NRXN2: variants seen among roughly 807,000 people sequenced by gnomAD.
NRXN2 encodes neurexin-2-beta.
In NRXN2, 29 loss-of-function variants were observed where a neutral mutation model predicts 128.8. The ratio of observed to expected loss-of-function variants is 0.23; its 90% CI spans 0.17 to 0.31. The LOEUF (loss-of-function observed/expected upper bound fraction) is 0.31, where lower values mean the gene tolerates loss of function less well. Ranked by LOEUF, NRXN2 falls within the 10% of genes least tolerant of loss-of-function variation. NRXN2 has a pLI of 1.00. For synonymous variants in NRXN2, 1,098 were observed against 1,075.2 expected (o/e 1.02, Z -0.41); for missense variants, 1,881 against 2,452.6 (o/e 0.77, Z 4.92).
intron 21 of NRXN2, among the ~76,000 whole-genome samples, chr11:64,621,023 A>T (rs1247523191): frequency 6.6e-6 from 1 of 151,962 alleles, no homozygotes; most frequent in Non-Finnish European, 1.5e-5. Flanking sequence ...AGGAGACCCA[A>T]GGAGGGAAAT....
rs773103045 is a variant in NRXN2 at position 64,607,538 on chromosome 11, G to A, written c.4797C>T (p.Gly1599=). ...EPRRPPPLRP[G]VTSAPGFPHL... Reference sequence around the variant, plus strand: ...GGGGGAAGCCGGGGGCTGAGGTCACGCCGGGGCGCAGGGGAGGGGGCCTCC... The same window carrying A: ...GGGGGAAGCCGGGGGCTGAGGTCACACCGGGGCGCAGGGGAGGGGGCCTCC... Residue 1599 remains glycine, a synonymous_variant, in exon 23 of 23, where the codon GGC becomes GGT. Coordinates refer to ENST00000265459, the MANE Select transcript of NRXN2 (RefSeq NM_015080.4). The A allele has an allele frequency of 5.8e-6, 9 of 1,564,384 alleles. No homozygotes were observed. The East Asian group carries it at 9.2e-5, about 16-fold the overall frequency.
In NRXN2 at chr11:64,713,756, G is replaced by T. The variant is rs2057181417; in HGVS notation, c.-57C>A. 9.3e-6 allele frequency: 9 copies of T among 965,966 alleles called. No homozygotes were observed. Among genetic ancestry groups the T allele is most frequent in the African/African-American group, 1.8e-5 (1 of 56,762 alleles). The allele number at this position is 965,966 out of a possible 1,614,324, so 59.8% of individuals were successfully genotyped here. A position where few individuals can be genotyped will look rare whatever the true frequency, so the allele number is the denominator to read the frequency against. ...CGGCCCCCGCTCAGGCTTCAGAGCC[G>T]CGGGCGCATGGGGCGGGAGGGGGCC... On this transcript the variant is annotated 5_prime_UTR_variant, in exon 2 of 23. Transcript: ENST00000265459.
chr11:64,680,078 G>A (rs1339705451), intron 6 of NRXN2, among the ~76,000 whole-genome samples: 1 of 152,166 alleles, frequency 6.6e-6, no homozygotes, highest in Admixed American at 6.5e-5. Context: ...AGTCACAGAG[G>A]GGAGAAGTCA....
At chr11:64,643,948 C>T (rs1591741029) in intron 17 of NRXN2, among the ~76,000 whole-genome samples, 2 of 150,788 alleles carry the variant, frequency 1.3e-5, no homozygotes, top group East Asian at 2.0e-4. Context: ...CACCTCTGCA[C>T]CACCCCTCGC....
At chr11:64,655,787 C>A (rs1207502138) in intron 11 of NRXN2, among the ~76,000 whole-genome samples, 1 of 152,188 alleles carries the variant, frequency 6.6e-6, no homozygotes, top group Non-Finnish European at 1.5e-5. Flanking sequence ...CAGAGGGAAG[C>A]CAGCCCCATC....
chr11:64,709,824 TCA>T (rs1345876340), intron 2 of NRXN2, among the ~76,000 whole-genome samples: 1 of 150,652 alleles, frequency 6.6e-6, no homozygotes, highest in African/African-American at 2.4e-5. Flanking sequence ...CACACACACA[TCA>T]CACACACTCC....
Position 64,607,387 on chromosome 11 carries a change from T to C in NRXN2, c.4948A>G (p.Ile1650Val), listed in dbSNP as rs1355066715. 1.2e-6 allele frequency: 2 copies of C among 1,613,128 alleles called. No individual in the cohort carries two copies. Among genetic ancestry groups the C allele is most frequent in the South Asian group, 2.2e-5 (2 of 91,082 alleles). ...VGIVAAAALC[I>V]LILLYAMYKY... ...TACATGGCGTAGAGGAGGATGAGGA[T>C]GCAGAGCGCCGCCGCCGCCACAATG... Residue 1650 changes from isoleucine (I) to valine (V), a missense_variant, in exon 23 of 23, where the codon ATC (isoleucine) becomes GTC (valine). This residue lies in a region of NRXN2 where 11 missense variants were observed against 31.3 expected (regional missense o/e 0.35). Coordinates refer to ENST00000265459, the MANE Select transcript of NRXN2 (RefSeq NM_015080.4).
rs374982445 is a variant in NRXN2, at chr11:64,630,709, G to C, written c.3586-136C>G. 36 of 1,019,876 alleles carry C rather than the reference G, an allele frequency of 3.5e-5. No individual in the cohort carries two copies. Among genetic ancestry groups the C allele is most frequent in the African/African-American group, 3.0e-4 (19 of 63,226 alleles). 63.2% of individuals were successfully genotyped at this position (1,019,876 alleles called of 1,614,324 possible). A position where few individuals can be genotyped will look rare whatever the true frequency, so the allele number is the denominator to read the frequency against. On this transcript the variant is annotated intron_variant, in intron 18 of 22. Transcript: ENST00000265459. The surrounding 1 kb of genome is among the most constrained non-coding windows in gnomAD (Gnocchi z 4.6). ...TTCCCAGGTCTCAACCGCTGGAGGA[G>C]GTGGGCAGGCTCGCTCCCCTTCCCC... is the stretch of plus-strand genomic sequence containing the variant.
Position 64,713,306 on chromosome 11 carries a change from C to T in NRXN2, c.394G>A (p.Ala132Thr). The change falls in exon 2 of 23, where the codon GCC (alanine) becomes ACC (threonine). Residue 132 changes from alanine to threonine, a missense_variant. Ala to Thr is a moderately conservative substitution (Grantham distance 58). Around this residue, in one of 7 missense-constraint regions of NRXN2, gnomAD observed 997 missense variants for 1,240.8 expected, o/e 0.80. Coordinates refer to ENST00000265459, the MANE Select transcript of NRXN2 (RefSeq NM_015080.4). Reference protein sequence around the residue: ...RRTALAVDGEARAAEVRSKRR... With the variant: ...RRTALAVDGETRAAEVRSKRR... ...TTGGAGCGCACCTCGGCGGCGCGGG[C>T]CTCGCCGTCCACCGCCAGCGCCGTG... 3.7e-6 allele frequency: 5 copies of T among 1,362,904 alleles called. No individual in the cohort carries two copies. Among genetic ancestry groups the T allele is most frequent in the Non-Finnish European group, 4.7e-6 (5 of 1,064,160 alleles). The allele number at this position is 1,362,904 out of a possible 1,614,324, so 84.4% of individuals were successfully genotyped here. A position where few individuals can be genotyped will look rare whatever the true frequency, so the allele number is the denominator to read the frequency against.
chr11:64,708,107 A>G (rs1411766322), intron 2 of NRXN2, among the ~76,000 whole-genome samples: 1 of 152,032 alleles, frequency 6.6e-6, no homozygotes, highest in African/African-American at 2.4e-5. Flanking sequence ...TCAAAAAAAA[A>G]AAAAAAGTCA....
chr11:64,702,198 G>A (rs1044948955), intron 2 of NRXN2, among the ~76,000 whole-genome samples: 5 of 130,850 alleles, frequency 3.8e-5, no homozygotes, highest in Non-Finnish European at 3.3e-5. Flanking sequence ...GCCCCCCGCC[G>A]GGCCAGCCGC....
At chr11:64,615,070 C>G (rs1348574864) in intron 22 of NRXN2, among the ~76,000 whole-genome samples, 1 of 152,260 alleles carries the variant, frequency 6.6e-6, no homozygotes, top group African/African-American at 2.4e-5. Flanking sequence ...CAAGGCCATA[C>G]CTCACAGCCT....
At chr11:64,697,674 A>G (rs1186383485) in intron 3 of NRXN2, 101 bp downstream of exon 3, 17 of 1,402,392 alleles carry the variant, frequency 1.2e-5, no homozygotes, top group Non-Finnish European at 1.7e-5. Context: ...GGCCCTAAAC[A>G]TGGCAGGAAA....
intron 7 of NRXN2, among the ~76,000 whole-genome samples, chr11:64,673,917 A>G (rs1382867559): frequency 6.6e-6 from 1 of 151,790 alleles, no homozygotes; most frequent in East Asian, 1.9e-4. Flanking sequence ...ATGCACCTGT[A>G]GTCTAAGCTA....
Position 64,667,629 on chromosome 11 carries a change from G to A in NRXN2, c.1419C>T (p.Asp473=). The change falls in exon 9 of 23, where the codon GAC becomes GAT. Residue 473 remains aspartate, a synonymous_variant. Coordinates refer to ENST00000265459, the MANE Select transcript of NRXN2 (RefSeq NM_015080.4). This position sits in a 1 kb window ranked among gnomAD's most constrained non-coding sequence, Gnocchi z 5.6. The part of the protein sequence containing the change: ...LELSRLAKEG[D]PKMKLQGDLS... ...AGTCCCCCTGCAGCTTCATCTTGGGGTCCCCTTCCTTTGCCAGGCGGGATA... is the reference window on the plus strand; with the variant it reads ...AGTCCCCCTGCAGCTTCATCTTGGGATCCCCTTCCTTTGCCAGGCGGGATA... The A allele has an allele frequency of 3.7e-6, 6 of 1,614,212 alleles. No homozygotes were observed. The highest frequency in any genetic ancestry group is 5.1e-6 in the Non-Finnish European group (6 of 1,180,044).
intron 17 of NRXN2, among the ~76,000 whole-genome samples, chr11:64,638,246 G>A (rs934640777): frequency 4.6e-5 from 7 of 152,248 alleles, no homozygotes; most frequent in African/African-American, 1.7e-4. Context: ...CGCTGGGCGG[G>A]TCTGTTAAAG....
At chr11:64,710,639 G>A (rs760096381) in intron 2 of NRXN2, among the ~76,000 whole-genome samples, 1 of 152,110 alleles carries the variant, frequency 6.6e-6, no homozygotes, top group Non-Finnish European at 1.5e-5. Flanking sequence ...GTTTTCTTAG[G>A]CAGGCTTTGG....
chr11:64,658,894 G>A (rs1220327038), intron 11 of NRXN2, among the ~76,000 whole-genome samples: 3 of 151,994 alleles, frequency 2.0e-5, no homozygotes, highest in Non-Finnish European at 4.4e-5. Flanking sequence ...GCGTGGTGGC[G>A]GGTGCCTGTA....
intron 2 of NRXN2, among the ~76,000 whole-genome samples, chr11:64,702,299 G>A (rs1453847927): frequency 6.6e-6 from 1 of 152,216 alleles, no homozygotes; most frequent in Non-Finnish European, 1.5e-5. Flanking sequence ...TCTGGGAGGT[G>A]TACCCAACAG....
Sources: allele counts gnomAD v4.1 joint callset (sites outside exome capture counted in the v4.1 genomes callset), GRCh38; gene constraint gnomAD v4.1.1; regional missense constraint gnomAD v4.1.1; non-coding constraint Gnocchi (gnomAD v3.1); transcripts MANE v1.5; gene names NCBI Gene and HGNC (gene_info 2026-07-23, HGNC 2026-07-21).